The following ZNF382 variants were observed in gnomAD, a reference collection of about 807,000 sequenced individuals.
ZNF382 encodes KRAB/zinc finger suppressor protein 1.
A neutral mutation model predicts 38.8 loss-of-function variants in ZNF382; 20 were observed. That is an observed-to-expected ratio of 0.51 (90% CI 0.36 to 0.75). The LOEUF is 0.75. Ranked by LOEUF, ZNF382 falls within the 30% of genes least tolerant of loss-of-function variation. The pLI is 0.00. For synonymous variants in ZNF382, 202 were observed against 223.1 expected, an observed-to-expected ratio of 0.91 and a Z score of 0.84; for missense variants, 546 against 654.1, an observed-to-expected ratio of 0.83 and a Z score of 1.80.
chr19:36,607,528 T>C, intron 1 of ZNF382, 24 bp from the exon 2 acceptor site: 1 of 1,394,226 alleles, frequency 7.2e-7, no homozygotes, highest in Non-Finnish European at 9.8e-7. Context: ...CACATACGTA[T>C]ATCCTCCATC....
At chr19:36,612,545 T>C (rs778045639) in intron 4 of ZNF382, among the ~76,000 whole-genome samples, 1 of 152,244 alleles carries the variant, frequency 6.6e-6, no homozygotes, top group Non-Finnish European at 1.5e-5. Context: ...TTTGGTAGTT[T>C]AGTAGCTAAA....
At chr19:36,607,935 C>T in intron 2 of ZNF382, 1 of 326,834 alleles carries the variant, frequency 3.1e-6, no homozygotes, top group Non-Finnish European at 5.6e-6. Flanking sequence ...TCTGGTTGTA[C>T]ATATTCATTG....
rs568283174 is a variant in ZNF382 at position 36,627,123 on chromosome 19, A to G, written c.1226A>G (p.Gln409Arg). 1.9e-5 allele frequency: 31 copies of G among 1,614,042 alleles called. No individual in the cohort carries two copies. In the Admixed American group the frequency reaches 2.2e-4, roughly 11 times the overall value. The change falls in exon 5 of 5, where the codon CAG becomes CGG. Residue 409 changes from glutamine to arginine, a missense_variant. Gln to Arg is a conservative substitution (Grantham distance 43, BLOSUM62 1). Coordinates refer to ENST00000292928, the MANE Select transcript of ZNF382 (RefSeq NM_032825.5). ...ACTCACACAGGAGAGAAACCGTATC[A>G]GTGTAATGAGTGTGGGAAGGCATTT... ...QRTHTGEKPY[Q>R]CNECGKAFIQ...
intron 4 of ZNF382, among the ~76,000 whole-genome samples, chr19:36,618,983 G>A (rs778140273): frequency 2.0e-5 from 3 of 152,032 alleles, no homozygotes; most frequent in Admixed American, 6.6e-5. Context: ...GGTAGATCGC[G>A]CCACTGCACT....
chr19:36,627,690 A>G lies in ZNF382; in HGVS notation c.*140A>G. The G allele has an allele frequency of 3.6e-6, 2 of 558,008 alleles. No homozygotes were observed. The highest frequency in any genetic ancestry group is 5.8e-5 in the East Asian group (2 of 34,450). 34.6% of individuals were successfully genotyped at this position (558,008 alleles called of 1,614,324 possible). A position where few individuals can be genotyped will look rare whatever the true frequency, so the allele number is the denominator to read the frequency against. On this transcript the variant is annotated 3_prime_UTR_variant, in exon 5 of 5. Coordinates refer to ENST00000292928, the MANE Select transcript of ZNF382 (RefSeq NM_032825.5). ...GTTTGCCAGCCTGTAAAACACACAC[A>G]CACACACACACACACACACAAATAT...
At chr19:36,618,792 C>G (rs2037146031) in intron 4 of ZNF382, among the ~76,000 whole-genome samples, 1 of 152,070 alleles carries the variant, frequency 6.6e-6, no homozygotes, top group South Asian at 2.1e-4. Flanking sequence ...AATCCCAGCA[C>G]TTTGGGAGGC....
Position 36,626,537 on chromosome 19 carries a change from C to T in ZNF382, c.640C>T (p.His214Tyr), listed in dbSNP as rs775315926. The change falls in exon 5 of 5, where the codon CAT becomes TAT. Residue 214 changes from histidine to tyrosine, a missense_variant. By Grantham distance (83) the His-to-Tyr change is moderately conservative. Coordinates refer to ENST00000292928, the MANE Select transcript of ZNF382 (RefSeq NM_032825.5). ...KVQAPEQPFD[H>Y]NECEKSFLMK... ...TCAAGCTCCAGAGCAACCATTTGACCATAATGAATGTGAAAAATCCTTCCT... is the reference window on the plus strand; with the variant it reads ...TCAAGCTCCAGAGCAACCATTTGACTATAATGAATGTGAAAAATCCTTCCT... 3.7e-6 allele frequency: 6 copies of T among 1,612,914 alleles called. No individual in the cohort carries two copies. The South Asian group carries it at 6.6e-5, about 18-fold the overall frequency.
chr19:36,605,684 C>A (rs1284392300), intron 1 of ZNF382: 17 of 152,168 alleles, frequency 1.1e-4, no homozygotes, highest in Admixed American at 1.0e-3. Context: ...CGCGCGGGCG[C>A]GCGCTGAATA....
chr19:36,612,955 CTAATTTTT>C (rs2037090744), intron 4 of ZNF382, among the ~76,000 whole-genome samples: 1 of 152,122 alleles, frequency 6.6e-6, no homozygotes, highest in African/African-American at 2.4e-5. Flanking sequence ...CCACACCCAG[CTAATTTTT>C]TGTATTTTTA....
chr19:36,622,402 A>C (rs1205737225), intron 4 of ZNF382, among the ~76,000 whole-genome samples: 1 of 152,234 alleles, frequency 6.6e-6, no homozygotes. Flanking sequence ...TGCTACAGGA[A>C]AAGATTGAAA....
At chr19:36,612,686 T>G (rs1342115916) in intron 4 of ZNF382, among the ~76,000 whole-genome samples, 1 of 152,232 alleles carries the variant, frequency 6.6e-6, no homozygotes, top group Non-Finnish European at 1.5e-5. Context: ...AACTTCGCAG[T>G]TTTAATTTAG....
chr19:36,617,891 A>G lies in ZNF382; in HGVS notation c.232+7149A>G, dbSNP rs567577502. Among the ~76,000 whole-genome samples the G allele has an allele frequency of 2.6e-5, 4 of 152,252 alleles. No individual in the cohort carries two copies. In the East Asian group the frequency reaches 7.7e-4, roughly 29 times the overall value. ...TCGCTAAAACTGGGCCCTTCGGTGG[A>G]CATGCCCAAGGACTGGGCCTAATTG... On this transcript the variant is annotated intron_variant, in intron 4 of 4. Coordinates refer to ENST00000292928, the MANE Select transcript of ZNF382 (RefSeq NM_032825.5).
In ZNF382 at chr19:36,630,533, A is replaced by G. The variant is rs1254035326; in HGVS notation, c.*2983A>G. On this transcript the variant is annotated 3_prime_UTR_variant, in exon 5 of 5. Coordinates refer to ENST00000292928, the MANE Select transcript of ZNF382 (RefSeq NM_032825.5). ...TTTTTAGTAGAGACGGGGTTTCATC[A>G]TGTTGGCCAGGCTGGTCTCCAAAGC... 2 of 151,616 alleles carry G rather than the reference A, an allele frequency of 1.3e-5. No homozygotes were observed. The highest frequency in any genetic ancestry group is 4.8e-5 in the African/African-American group (2 of 41,264). The allele number at this position is 151,616 out of a possible 1,614,324, so 9.4% of individuals were successfully genotyped here. A position where few individuals can be genotyped will look rare whatever the true frequency, so the allele number is the denominator to read the frequency against.
chr19:36,620,083 T>C (rs971348429), intron 4 of ZNF382, among the ~76,000 whole-genome samples: 3 of 152,086 alleles, frequency 2.0e-5, no homozygotes, highest in African/African-American at 7.2e-5. Context: ...GTTTAATATC[T>C]ATCTCCCTCA....
In ZNF382 at chr19:36,627,636, T is replaced by A; in HGVS notation, c.*86T>A. ...CTTGCAAGCGTAATATCCAACAGTT[T>A]AAGGTACTATACCACATGGTAACCT... On this transcript the variant is annotated 3_prime_UTR_variant, in exon 5 of 5. Transcript: ENST00000292928. The A allele has an allele frequency of 1.1e-6, 1 of 934,108 alleles. No homozygotes were observed. The highest frequency in any genetic ancestry group is 1.6e-6 in the Non-Finnish European group (1 of 609,456). 57.9% of individuals were successfully genotyped at this position (934,108 alleles called of 1,614,324 possible). A position where few individuals can be genotyped will look rare whatever the true frequency, so the allele number is the denominator to read the frequency against.
rs2037045141 is a variant in ZNF382, at chr19:36,607,642, CTT to C, written c.-14+22_-14+23del. On this transcript the variant is annotated intron_variant, in intron 2 of 4. Transcript: ENST00000292928. ...TCTCAGGTGAGATGATGTTTCCTCT[CTT>C]TCTGAAATAACTTTTTTTCATGGTG... The C allele has an allele frequency of 2.0e-6, 3 of 1,514,310 alleles. No homozygotes were observed. The highest frequency in any genetic ancestry group is 2.6e-6 in the Non-Finnish European group (3 of 1,139,440). The allele number at this position is 1,514,310 out of a possible 1,614,324, so 93.8% of individuals were successfully genotyped here.
rs956265750 is a variant in ZNF382 at position 36,629,608 on chromosome 19, A to G, written c.*2058A>G. ...CTTGATTGTTTTATTAAAAGGGAAA[A>G]GTAATTTTTTAGTATCTGTTAATAT... is the stretch of plus-strand genomic sequence containing the variant. On this transcript the variant is annotated 3_prime_UTR_variant, in exon 5 of 5. Coordinates refer to ENST00000292928, the MANE Select transcript of ZNF382 (RefSeq NM_032825.5). 3 of 152,210 alleles carry G rather than the reference A, an allele frequency of 2.0e-5. No individual in the cohort carries two copies. The highest frequency in any genetic ancestry group is 7.2e-5 in the African/African-American group (3 of 41,460). 9.4% of individuals were successfully genotyped at this position (152,210 alleles called of 1,614,324 possible).
Position 36,627,418 on chromosome 19 carries a change from C to T in ZNF382, c.1521C>T (p.Leu507=). The change falls in exon 5 of 5, where the codon CTC becomes CTT. Residue 507 remains leucine (L), a synonymous_variant. Transcript: ENST00000292928. The stretch of plus-strand genomic sequence containing the variant: ...AAGCCTTCAGTAGGAAATCAAACCT[C>T]ATTCGCCATCAGAAAACTCACACAG... ...CGKAFSRKSN[L]IRHQKTHTGE... The T allele has an allele frequency of 6.2e-7, 1 of 1,614,170 alleles. No homozygotes were observed. Among genetic ancestry groups the T allele is most frequent in the Non-Finnish European group, 8.5e-7 (1 of 1,180,036 alleles).
At chr19:36,613,872 A>G (rs1169589155) in intron 4 of ZNF382, among the ~76,000 whole-genome samples, 2 of 152,226 alleles carry the variant, frequency 1.3e-5, no homozygotes, top group South Asian at 4.1e-4. Flanking sequence ...CTGAATTACT[A>G]TGGTGATCAT....
Sources: gnomAD v4.1 joint callset for allele counts (sites outside exome capture counted in the v4.1 genomes callset) on GRCh38, gnomAD v4.1.1 for gene constraint, MANE v1.5 for transcripts, NCBI Gene and HGNC (gene_info 2026-07-23, HGNC 2026-07-21) for gene names.